PAK1: variants seen among roughly 807,000 people sequenced by gnomAD.
PAK1 encodes p21 (RAC1) activated kinase 1, also known as serine/threonine-protein kinase PAK 1.
In PAK1, 29 loss-of-function variants were observed where a neutral mutation model predicts 67.4. The observed-to-expected ratio is 0.43, with a 90% CI of 0.32 to 0.59. The LOEUF (loss-of-function observed/expected upper bound fraction) is 0.59, where lower values mean the gene tolerates loss of function less well. PAK1 is among the 20% of genes least tolerant of loss of function. The pLI, the probability that PAK1 is intolerant of heterozygous loss-of-function variation, is 0.07. For synonymous variants in PAK1, 223 were observed against 237.4 expected, an observed-to-expected ratio of 0.94 and a Z score of 0.56; for missense variants, 337 against 670.7, an observed-to-expected ratio of 0.50 and a Z score of 5.50.
chr11:77,338,032 G>T (rs183357930), intron 11 of PAK1, among the ~76,000 whole-genome samples: 58 of 152,282 alleles, frequency 3.8e-4, no homozygotes, highest in African/African-American at 1.3e-3. Context: ...CCGGCAAAGG[G>T]TAAAGGAGAA....
At chr11:77,463,802 T>C (rs1957470331) in intron 1 of PAK1, among the ~76,000 whole-genome samples, 1 of 152,072 alleles carries the variant, frequency 6.6e-6, no homozygotes, top group African/African-American at 2.4e-5. Flanking sequence ...CAACTTCATC[T>C]CATACCATTT....
chr11:77,338,847 C>T (rs1371918352), intron 11 of PAK1, among the ~76,000 whole-genome samples: 1 of 151,984 alleles, frequency 6.6e-6, no homozygotes, highest in Non-Finnish European at 1.5e-5. Context: ...TACATGATTC[C>T]ATTTATATAA....
intron 2 of PAK1, among the ~76,000 whole-genome samples, chr11:77,391,987 C>T (rs1195866628): frequency 1.3e-5 from 2 of 151,990 alleles, no homozygotes; most frequent in Admixed American, 6.6e-5. Context: ...GAAACTAACT[C>T]GGGGGGAAAA....
the PAK1 span, among the ~76,000 whole-genome samples, chr11:77,495,341 G>A: frequency 2.7e-5 from 4 of 149,120 alleles, no homozygotes; most frequent in Non-Finnish European, 5.9e-5. Flanking sequence ...AGGCGCGGTG[G>A]TGCATGACTG....
At chr11:77,415,217 G>A (rs1205856700) in intron 1 of PAK1, among the ~76,000 whole-genome samples, 1 of 152,178 alleles carries the variant, frequency 6.6e-6, no homozygotes, top group Admixed American at 6.5e-5. Context: ...CCAAAACACT[G>A]ACAACACCAA....
intron 1 of PAK1, among the ~76,000 whole-genome samples, chr11:77,402,303 G>C (rs1952810307): frequency 2.6e-5 from 4 of 152,142 alleles, no homozygotes; most frequent in Admixed American, 2.6e-4. Flanking sequence ...GTGACAGACT[G>C]AAGTTCTCTT....
chr11:77,349,282 G>A lies in PAK1; in HGVS notation c.842C>T (p.Ser281Leu), dbSNP rs767459594. The A allele has an allele frequency of 6.3e-7, 1 of 1,599,204 alleles. No homozygotes were observed. Among genetic ancestry groups the A allele is most frequent in the South Asian group, 1.1e-5 (1 of 87,984 alleles). The change falls in exon 9 of 15, where the codon TCA (serine) becomes TTA (leucine). Residue 281 changes from serine (S) to leucine (L), a missense_variant. Around this residue, in one of 8 missense-constraint regions of PAK1, gnomAD observed 150 missense variants for 179.0 expected, o/e 0.84. Transcript: ENST00000356341. Reference protein sequence around the residue: ...TRFEKIGQGASGTVYTAMDVA... With the variant: ...TRFEKIGQGALGTVYTAMDVA... Reference sequence around the variant, plus strand: ...ATCCATTGCTGTGTACACGGTGCCTGAAGCACTGAACAGTAAGGTGGCGGA... The same window carrying A: ...ATCCATTGCTGTGTACACGGTGCCTAAAGCACTGAACAGTAAGGTGGCGGA...
At chr11:77,412,330 C>T (rs1342631394) in intron 1 of PAK1, among the ~76,000 whole-genome samples, 2 of 152,124 alleles carry the variant, frequency 1.3e-5, no homozygotes, top group African/African-American at 4.8e-5. Flanking sequence ...CTCCCCCCTC[C>T]CCAAACGTGC....
intron 10 of PAK1, among the ~76,000 whole-genome samples, chr11:77,341,935 G>A (rs1943665074): frequency 6.6e-6 from 1 of 152,306 alleles, no homozygotes; most frequent in Admixed American, 6.5e-5. Context: ...AAACATGACA[G>A]ACTAAGTGTT....
At chr11:77,418,126 A>T (rs560571) in intron 1 of PAK1, among the ~76,000 whole-genome samples, 36,802 of 152,158 alleles carry the variant, frequency 0.24, 5,078 homozygotes, top group Non-Finnish European at 0.31. Flanking sequence ...CAAGCAAAAA[A>T]ATAGAAAGAA....
At chr11:77,413,817 G>C (rs1954798465) in intron 1 of PAK1, among the ~76,000 whole-genome samples, 1 of 152,218 alleles carries the variant, frequency 6.6e-6, no homozygotes, top group Non-Finnish European at 1.5e-5. Context: ...GTCATTTTAA[G>C]ACTTTTTTTT....
intron 1 of PAK1, among the ~76,000 whole-genome samples, chr11:77,438,061 G>C (rs773751377): frequency 2.6e-5 from 4 of 151,906 alleles, no homozygotes; most frequent in Non-Finnish European, 5.9e-5. Flanking sequence ...TTCTTTTCCA[G>C]CATCATCAGA....
At chr11:77,427,556 A>G (rs1325388218) in intron 1 of PAK1, among the ~76,000 whole-genome samples, 1 of 152,172 alleles carries the variant, frequency 6.6e-6, no homozygotes, top group East Asian at 1.9e-4. Flanking sequence ...TGGACTTCAA[A>G]TGAAAGCAAC....
chr11:77,418,089 A>T (rs1408769602), intron 1 of PAK1, among the ~76,000 whole-genome samples: 1 of 152,182 alleles, frequency 6.6e-6, no homozygotes, highest in Non-Finnish European at 1.5e-5. Flanking sequence ...GCTCTAAAAA[A>T]TAAAATCTAT....
intron 1 of PAK1, chr11:77,456,015 C>T (rs2135436963): frequency 6.6e-6 from 1 of 152,266 alleles, no homozygotes; most frequent in Non-Finnish European, 1.5e-5. Context: ...AATAAGGTGT[C>T]TCTTGCCACC....
the PAK1 span, among the ~76,000 whole-genome samples, chr11:77,482,597 C>T: frequency 0.028 from 3,807 of 137,338 alleles, 176 homozygotes; most frequent in African/African-American, 0.098. Flanking sequence ...CTCTTTTTTT[C>T]TTTTTTTTTT....
chr11:77,512,272 C>T, the PAK1 span, among the ~76,000 whole-genome samples: 17 of 152,272 alleles, frequency 1.1e-4, no homozygotes, highest in South Asian at 2.3e-3. Flanking sequence ...TTTCCCTCCC[C>T]TCCCCCTATT....
chr11:77,487,801 G>A, the PAK1 span, among the ~76,000 whole-genome samples: 1 of 152,182 alleles, frequency 6.6e-6, no homozygotes, highest in African/African-American at 2.4e-5. Flanking sequence ...TAAGGTTTCT[G>A]ACTCTAGGCC....
chr11:77,480,325 A>G, the PAK1 span, among the ~76,000 whole-genome samples: 10 of 152,228 alleles, frequency 6.6e-5, no homozygotes, highest in South Asian at 8.3e-4. Flanking sequence ...AGTATAAAGT[A>G]TATAAACAAT....
Sources: allele counts gnomAD v4.1 joint callset (sites outside exome capture counted in the v4.1 genomes callset), GRCh38; gene constraint gnomAD v4.1.1; regional missense constraint gnomAD v4.1.1; transcripts MANE v1.5; gene names NCBI Gene and HGNC (gene_info 2026-07-23, HGNC 2026-07-21).